The following DACH1 variants were observed in gnomAD, a reference collection of about 807,000 sequenced individuals.
The protein encoded by DACH1 is dachshund family transcription factor 1, also known as dachshund homolog 1.
A neutral mutation model predicts 54.2 loss-of-function variants in DACH1; 12 were observed. The observed-to-expected ratio is 0.22, with a 90% CI of 0.14 to 0.36. The LOEUF is 0.36. Among genes scored for constraint, DACH1 ranks in the 10% least tolerant of loss-of-function variants. DACH1 has a pLI of 1.00. For missense variants in DACH1, 805 were observed against 929.8 expected, an observed-to-expected ratio of 0.87 and a Z score of 1.75; for synonymous variants, 386 against 366.2, an observed-to-expected ratio of 1.05 and a Z score of -0.62.
intron 6 of DACH1, among the ~76,000 whole-genome samples, chr13:71,497,417 T>C (rs1879527725): frequency 6.6e-6 from 1 of 151,884 alleles, no homozygotes; most frequent in Admixed American, 6.6e-5. Flanking sequence ...CGGCAACCTC[T>C]GCATCCTGGG....
intron 6 of DACH1, among the ~76,000 whole-genome samples, chr13:71,513,405 TAAC>T: frequency 6.6e-6 from 1 of 152,088 alleles, no homozygotes; most frequent in Non-Finnish European, 1.5e-5. Flanking sequence ...CTCTATATAA[TAAC>T]AAAAAATTCA....
intron 10 of DACH1, chr13:71,464,805 T>G (rs1011454045): frequency 6.4e-5 from 28 of 435,414 alleles, no homozygotes; most frequent in Admixed American, 1.4e-4. Context: ...CAGAAATCTG[T>G]AAAGATATTC....
chr13:71,454,050 C>G (rs896883249), intron 10 of DACH1, among the ~76,000 whole-genome samples: 1 of 60,164 alleles, frequency 1.7e-5, no homozygotes, highest in African/African-American at 3.3e-5. Context: ...AAAAGAATGA[C>G]TAGCAAACAG....
At chr13:71,611,462 T>G (rs776691845) in intron 3 of DACH1, among the ~76,000 whole-genome samples, 5 of 152,208 alleles carry the variant, frequency 3.3e-5, no homozygotes, top group Non-Finnish European at 5.9e-5. Context: ...GGAATAGATC[T>G]TCAACAGGGA....
intron 3 of DACH1, among the ~76,000 whole-genome samples, chr13:71,585,030 A>T (rs1873132319): frequency 6.6e-6 from 1 of 152,138 alleles, no homozygotes; most frequent in South Asian, 2.1e-4. Flanking sequence ...TGAATCATAG[A>T]ATATTAGAGA....
At chr13:71,442,028 AT>A (rs1161656991) in intron 10 of DACH1, among the ~76,000 whole-genome samples, 3 of 152,104 alleles carry the variant, frequency 2.0e-5, no homozygotes, top group Non-Finnish European at 4.4e-5. Flanking sequence ...TCAAACACTT[AT>A]CCTCTGTGTT....
intron 6 of DACH1, among the ~76,000 whole-genome samples, chr13:71,516,843 T>A (rs1881196773): frequency 6.6e-6 from 1 of 151,788 alleles, no homozygotes; most frequent in Admixed American, 6.6e-5. Flanking sequence ...CATCTGTAAG[T>A]GCCCTACAAA....
chr13:71,724,660 T>A (rs1258347663), intron 1 of DACH1, among the ~76,000 whole-genome samples: 1 of 152,104 alleles, frequency 6.6e-6, no homozygotes, highest in Non-Finnish European at 1.5e-5. Flanking sequence ...TATCAAAAAA[T>A]ACATAGAAAA....
chr13:71,781,385 T>TA (rs1886369135), intron 1 of DACH1, among the ~76,000 whole-genome samples: 1 of 150,156 alleles, frequency 6.7e-6, no homozygotes, highest in Non-Finnish European at 1.5e-5. Flanking sequence ...TTTATTTATT[T>TA]ATTTATTTTT....
At chr13:71,819,783 G>T (rs1038218215) in intron 1 of DACH1, among the ~76,000 whole-genome samples, 1 of 152,100 alleles carries the variant, frequency 6.6e-6, no homozygotes, top group Admixed American at 6.5e-5. Flanking sequence ...CAAAGTCCTT[G>T]TTCAAAAGAA....
In DACH1 at chr13:71,440,505, TTGTAGAATACTTAAAC is replaced by T; in HGVS notation, c.*134_*149del. 12 of 608,132 alleles carry T rather than the reference TTGTAGAATACTTAAAC, an allele frequency of 2.0e-5. No homozygotes were observed. Among genetic ancestry groups the T allele is most frequent in the South Asian group, 1.7e-4 (8 of 47,432 alleles). 37.7% of individuals were successfully genotyped at this position (608,132 alleles called of 1,614,324 possible). A position where few individuals can be genotyped will look rare whatever the true frequency, so the allele number is the denominator to read the frequency against. On this transcript the variant is annotated 3_prime_UTR_variant, in exon 11 of 11. Coordinates refer to ENST00000613252, the MANE Select transcript of DACH1 (RefSeq NM_080759.6). ...TCAATGGAGAAAACTTTTTTTTTTT[TTGTAGAATACTTAAAC>T]TTTTAAAGAACATTAATACACAAAA...
intron 10 of DACH1, among the ~76,000 whole-genome samples, chr13:71,464,093 AC>A (rs1330821524): frequency 1.3e-5 from 2 of 151,954 alleles, no homozygotes; most frequent in African/African-American, 4.8e-5. Context: ...ATTTCTTTTA[AC>A]CAGCTAAAAT....
chr13:71,445,283 A>T (rs1874350409), intron 10 of DACH1, among the ~76,000 whole-genome samples: 1 of 152,214 alleles, frequency 6.6e-6, no homozygotes, highest in African/African-American at 2.4e-5. Context: ...TTTTAAATAA[A>T]ACTCTCTTAG....
In DACH1 at chr13:71,467,021, C is replaced by T. The variant is rs146767727; in HGVS notation, c.2083+8120G>A. Among the ~76,000 whole-genome samples, 462 of 151,628 alleles carry T rather than the reference C, an allele frequency of 3.0e-3. 2 individuals are homozygous for T. The highest frequency in any genetic ancestry group is 9.9e-3 in the African/African-American group (411 of 41,362). On this transcript the variant is annotated intron_variant, in intron 10 of 10. Coordinates refer to ENST00000613252, the MANE Select transcript of DACH1 (RefSeq NM_080759.6). ...GGACCAGTTTAGAAAACTAGCTCTA[C>T]GAAAATAATGTATTTAAATATTTTT... is the stretch of plus-strand genomic sequence containing the variant.
intron 1 of DACH1, among the ~76,000 whole-genome samples, chr13:71,821,833 C>A (rs2138184457): frequency 6.6e-6 from 1 of 152,168 alleles, no homozygotes; most frequent in East Asian, 1.9e-4. Context: ...GAAGCTGAGG[C>A]AGGCGGATCA....
At chr13:71,614,263 T>C (rs1875578491) in intron 3 of DACH1, among the ~76,000 whole-genome samples, 1 of 152,168 alleles carries the variant, frequency 6.6e-6, no homozygotes, top group Non-Finnish European at 1.5e-5. Flanking sequence ...AGAATTCCAT[T>C]GGTTTTGTCT....
chr13:71,517,992 T>C (rs993837371), intron 6 of DACH1, among the ~76,000 whole-genome samples: 3 of 151,844 alleles, frequency 2.0e-5, no homozygotes, highest in Non-Finnish European at 4.4e-5. Context: ...TGTATCCTCA[T>C]TGTAACACCA....
At chr13:71,661,091 A>AT (rs1000154461) in intron 2 of DACH1, among the ~76,000 whole-genome samples, 4 of 150,764 alleles carry the variant, frequency 2.7e-5, no homozygotes, top group African/African-American at 4.8e-5. Flanking sequence ...TCTTTATAAG[A>AT]TTTTCCATGT....
chr13:71,574,365 G>A (rs1423904283), intron 3 of DACH1, among the ~76,000 whole-genome samples: 3 of 151,900 alleles, frequency 2.0e-5, no homozygotes, highest in Non-Finnish European at 2.9e-5. Flanking sequence ...TATCCACTTA[G>A]AGGAAATTTC....
Sources: gnomAD v4.1 joint callset for allele counts (sites outside exome capture counted in the v4.1 genomes callset) on GRCh38, gnomAD v4.1.1 for gene constraint, MANE v1.5 for transcripts, NCBI Gene and HGNC (gene_info 2026-07-23, HGNC 2026-07-21) for gene names.